Variants in OR1L8 observed in about 807,000 individuals in gnomAD.
The protein encoded by OR1L8 is olfactory receptor family 1 subfamily L member 8.
For synonymous variants in OR1L8, 148 were observed against 147.0 expected (o/e 1.01, Z -0.05); for missense variants, 330 against 377.4 (o/e 0.87, Z 1.04).
At chr9:122,552,202 A>G in the OR1L8 span, among the ~76,000 whole-genome samples, 17 of 152,060 alleles carry the variant, frequency 1.1e-4, no homozygotes, top group Admixed American at 9.2e-4. Flanking sequence ...CCAAAGAACA[A>G]ATGGAGGACT....
chr9:122,548,407 A>G, the OR1L8 span, among the ~76,000 whole-genome samples: 2 of 152,158 alleles, frequency 1.3e-5, no homozygotes, highest in South Asian at 2.1e-4. Flanking sequence ...TTCCACAAGG[A>G]AATGTCATCT....
chr9:122,573,144 G>A (rs1349129493), intron 3 of OR1L8, among the ~76,000 whole-genome samples: 1 of 152,206 alleles, frequency 6.6e-6, no homozygotes, highest in Non-Finnish European at 1.5e-5. Context: ...TGGCCTCTGT[G>A]ATCCTTGTTA....
chr9:122,551,770 G>A, the OR1L8 span, among the ~76,000 whole-genome samples: 5 of 151,994 alleles, frequency 3.3e-5, no homozygotes, highest in Non-Finnish European at 7.4e-5. Flanking sequence ...CGAGCACATT[G>A]GGAGATGGTG....
chr9:122,575,811 A>G (rs117755553), intron 3 of OR1L8, among the ~76,000 whole-genome samples: 7,407 of 152,276 alleles, frequency 0.049, 262 homozygotes, highest in Middle Eastern at 0.075. Context: ...CAATATTATT[A>G]ACTGGTTCTC....
chr9:122,575,393 A>T (rs1020519816), intron 3 of OR1L8, among the ~76,000 whole-genome samples: 4 of 152,036 alleles, frequency 2.6e-5, no homozygotes, highest in African/African-American at 9.7e-5. Context: ...CAATTTCATC[A>T]TTTCTTTTTG....
At chr9:122,546,605 T>C in the OR1L8 span, among the ~76,000 whole-genome samples, 4 of 152,134 alleles carry the variant, frequency 2.6e-5, no homozygotes, top group Non-Finnish European at 4.4e-5. Flanking sequence ...GTTAAAAAAA[T>C]TAAAAGTAAA....
the OR1L8 span, among the ~76,000 whole-genome samples, chr9:122,547,918 A>G: frequency 6.6e-6 from 1 of 152,182 alleles, no homozygotes; most frequent in South Asian, 2.1e-4. Context: ...ACATTGCGTT[A>G]AGTATTCAAT....
At chr9:122,560,795 A>G in the OR1L8 span, among the ~76,000 whole-genome samples, 28,244 of 151,898 alleles carry the variant, frequency 0.19, 3,313 homozygotes, top group Non-Finnish European at 0.26. Context: ...GAATTTGATG[A>G]TTATGTGTCT....
Position 122,567,474 on chromosome 9 carries a change from G to T in OR1L8, c.*74C>A. On this transcript the variant is annotated 3_prime_UTR_variant, in exon 5 of 5. Coordinates refer to ENST00000641027, the MANE Select transcript of OR1L8 (RefSeq NM_001004454.2). ...GTGCTAGCTTCCAACAGCTTTGACT[G>T]TTCACCAGAAACCAGTAGAAAACAC... The T allele has an allele frequency of 3.5e-6, 4 of 1,152,776 alleles. No homozygotes were observed. The highest frequency in any genetic ancestry group is 5.0e-6 in the Non-Finnish European group (4 of 807,440). 71.4% of individuals were successfully genotyped at this position (1,152,776 alleles called of 1,614,324 possible). A position where few individuals can be genotyped will look rare whatever the true frequency, so the allele number is the denominator to read the frequency against.
chr9:122,572,061 G>A (rs1030821969), intron 4 of OR1L8, among the ~76,000 whole-genome samples: 2 of 152,174 alleles, frequency 1.3e-5, no homozygotes. Flanking sequence ...CATCTTACAT[G>A]GCAGGAGCAG....
the OR1L8 span, among the ~76,000 whole-genome samples, chr9:122,554,517 G>C: frequency 1.3e-5 from 2 of 152,190 alleles, no homozygotes; most frequent in African/African-American, 4.8e-5. Flanking sequence ...TGAGGTGAAG[G>C]AAGGAGAATA....
chr9:122,563,268 TTTTTAAA>T (rs1829380805), downstream of OR1L8, among the ~76,000 whole-genome samples: 1 of 152,190 alleles, frequency 6.6e-6, no homozygotes, highest in Non-Finnish European at 1.5e-5. Context: ...TTTGTTTTTA[TTTTTAAA>T]TTTTATGGAT....
At chr9:122,582,611 G>C (rs1301007034) in intron 1 of OR1L8, among the ~76,000 whole-genome samples, 1 of 152,124 alleles carries the variant, frequency 6.6e-6, no homozygotes, top group Middle Eastern at 3.4e-3. Flanking sequence ...TCCCAGCTAT[G>C]CAGGAGGCTG....
the OR1L8 span, among the ~76,000 whole-genome samples, chr9:122,548,333 C>T: frequency 6.6e-6 from 1 of 152,094 alleles, no homozygotes; most frequent in Non-Finnish European, 1.5e-5. Flanking sequence ...ATACATTTCC[C>T]TTAATCTCAA....
At chr9:122,577,297 A>T (rs1477087373) in intron 2 of OR1L8, among the ~76,000 whole-genome samples, 3 of 152,182 alleles carry the variant, frequency 2.0e-5, no homozygotes. Flanking sequence ...AAAGTCTCCA[A>T]ATTGGGTTGA....
rs1462244381 is a variant in OR1L8 at position 122,568,106 on chromosome 9, A to G, written c.372T>C (p.Tyr124=). ...AGTGGAAAGGGTCACAGACGGCCAC[A>G]TAGCGGTCAAAGGCCATGACTGCCA... The part of the protein sequence containing the change: ...CLLAVMAFDR[Y]VAVCDPFHYV... Residue 124 remains tyrosine (Y), a synonymous_variant, in exon 5 of 5, where the codon TAT becomes TAC. Coordinates refer to ENST00000641027, the MANE Select transcript of OR1L8 (RefSeq NM_001004454.2). 4 of 1,614,010 alleles carry G rather than the reference A, an allele frequency of 2.5e-6. No individual in the cohort carries two copies. The highest frequency in any genetic ancestry group is 8.5e-7 in the Non-Finnish European group (1 of 1,180,014).
downstream of OR1L8, among the ~76,000 whole-genome samples, chr9:122,566,187 G>C (rs1166637354): frequency 6.6e-6 from 1 of 152,176 alleles, no homozygotes; most frequent in African/African-American, 2.4e-5. Context: ...TAAAGTAAAC[G>C]TGCCAAAATC....
the OR1L8 span, among the ~76,000 whole-genome samples, chr9:122,560,608 A>T: frequency 6.6e-6 from 1 of 152,142 alleles, no homozygotes; most frequent in Non-Finnish European, 1.5e-5. Flanking sequence ...CTGGATATGA[A>T]ATTCTGCGTT....
the OR1L8 span, among the ~76,000 whole-genome samples, chr9:122,552,571 T>TG: frequency 1.3e-5 from 2 of 151,848 alleles, no homozygotes; most frequent in Non-Finnish European, 2.9e-5. Flanking sequence ...TAACAGTGGA[T>TG]GGGGGAGTAC....
Sources: allele counts gnomAD v4.1 joint callset (sites outside exome capture counted in the v4.1 genomes callset), GRCh38; gene constraint gnomAD v4.1.1; transcripts MANE v1.5; gene names NCBI Gene and HGNC (gene_info 2026-07-23, HGNC 2026-07-21).